Variants in BMPR2 observed in about 807,000 individuals in gnomAD.
BMPR2 encodes bone morphogenetic protein receptor type-2.
BMPR2 carries 29 observed loss-of-function variants against 100.8 expected under a neutral mutation model. That is an observed-to-expected ratio of 0.29 (90% CI 0.21 to 0.39). BMPR2 has a LOEUF of 0.39. BMPR2 is among the 10% of genes least tolerant of loss of function. The probability of loss-of-function intolerance (pLI) is 1.00; values close to 1 mark genes in which losing one functional copy is unlikely to be tolerated. For synonymous variants in BMPR2, 382 were observed against 442.3 expected (o/e 0.86, Z 1.71); for missense variants, 1,011 against 1,274.5 (o/e 0.79, Z 3.15).
chr2:202,469,317 C>T (rs1038543881), intron 3 of BMPR2, among the ~76,000 whole-genome samples: 3 of 151,730 alleles, frequency 2.0e-5, no homozygotes, highest in Non-Finnish European at 2.9e-5. Flanking sequence ...TGTGAGCCAC[C>T]GTACTCGGCC....
intron 1 of BMPR2, among the ~76,000 whole-genome samples, chr2:202,398,850 C>T (rs75597391): frequency 0.099 from 14,992 of 152,024 alleles, 988 homozygotes; most frequent in South Asian, 0.25. Context: ...AGATCATAGC[C>T]GGGTGCGGTG....
chr2:202,394,890 A>AT (rs11298914), intron 1 of BMPR2, among the ~76,000 whole-genome samples: 2 of 137,574 alleles, frequency 1.5e-5, no homozygotes, highest in African/African-American at 5.4e-5. Flanking sequence ...ACTTTTTTTT[A>AT]TTTTTTTTTT....
In BMPR2 at chr2:202,532,600, T is replaced by TA; in HGVS notation, c.1145dup (p.Tyr382Ter). ...AAISEVGTIR[Y>*]MAPEVLEGAV... Reference sequence around the variant, plus strand: ...AATTTATCAGGTTGGCACTATCAGATATATGGCACCAGAAGTGCTAGAAGG... The same window carrying TA: ...AATTTATCAGGTTGGCACTATCAGATAATATGGCACCAGAAGTGCTAGAAGG... Residue 382 changes from tyrosine (Y) to a stop codon, truncating the protein, a stop_gained and frameshift_variant, in exon 9 of 13, where the codon TAT becomes TAAT. Transcript: ENST00000374580. LOFTEE classifies it high-confidence loss of function. This position sits in a 1 kb window ranked among gnomAD's most constrained non-coding sequence, Gnocchi z 4.1. The TA allele has an allele frequency of 6.2e-7, 1 of 1,614,002 alleles. No individual in the cohort carries two copies. The highest frequency in any genetic ancestry group is 8.5e-7 in the Non-Finnish European group (1 of 1,179,952).
intron 3 of BMPR2, among the ~76,000 whole-genome samples, chr2:202,507,975 T>TA (rs1553507607): frequency 6.6e-6 from 1 of 150,718 alleles, no homozygotes; most frequent in Non-Finnish European, 1.5e-5. Context: ...GCTGGGATTA[T>TA]AGGTGTGAGC....
intron 3 of BMPR2, among the ~76,000 whole-genome samples, chr2:202,475,792 C>T (rs1412521074): frequency 3.3e-5 from 5 of 152,042 alleles, no homozygotes; most frequent in Non-Finnish European, 5.9e-5. Flanking sequence ...AAGTCCCGGC[C>T]GGGTGCAGTG....
chr2:202,407,749 CAAAACA>C (rs1267966772), intron 1 of BMPR2, among the ~76,000 whole-genome samples: 22 of 149,368 alleles, frequency 1.5e-4, no homozygotes, highest in East Asian at 9.9e-4. Flanking sequence ...AGTTCCGTCT[CAAAACA>C]AAAACAAAAA....
intron 1 of BMPR2, among the ~76,000 whole-genome samples, chr2:202,422,011 C>T (rs1217366382): frequency 2.6e-5 from 4 of 152,078 alleles, no homozygotes; most frequent in East Asian, 1.9e-4. Context: ...CAGGTTCAAG[C>T]GGTTCTCCTG....
At chr2:202,445,528 A>G (rs1691832510) in intron 1 of BMPR2, among the ~76,000 whole-genome samples, 1 of 149,222 alleles carries the variant, frequency 6.7e-6, no homozygotes, top group South Asian at 2.1e-4. Context: ...CACCTGGCCT[A>G]TTTTTAGTTT....
In BMPR2 at chr2:202,552,877, G is replaced by A. The variant is rs774669361; in HGVS notation, c.1575G>A (p.Met525Ile). ...SPTVNPMSTAMQNERNLSHNR... is the reference protein window; with the variant it reads ...SPTVNPMSTAIQNERNLSHNR... ...CAGTCAATCCAATGTCTACTGCTAT[G>A]CAGAATGAACGGTAAGACCCTAAGG... The change falls in exon 11 of 13, where the codon ATG (methionine) becomes ATA (isoleucine). Residue 525 changes from methionine (M) to isoleucine (I), a missense_variant. Coordinates refer to ENST00000374580, the MANE Select transcript of BMPR2 (RefSeq NM_001204.7). 8 of 1,614,090 alleles carry A rather than the reference G, an allele frequency of 5.0e-6. No individual in the cohort carries two copies. The highest frequency in any genetic ancestry group is 4.2e-6 in the Non-Finnish European group (5 of 1,180,056).
intron 3 of BMPR2, chr2:202,474,951 G>A (rs908766740): frequency 2.0e-5 from 3 of 152,070 alleles, no homozygotes; most frequent in Admixed American, 6.5e-5. Flanking sequence ...AATGACATAA[G>A]TAGCAAGGAA....
intron 1 of BMPR2, among the ~76,000 whole-genome samples, chr2:202,390,714 A>G (rs1043093982): frequency 6.6e-6 from 1 of 152,140 alleles, no homozygotes; most frequent in East Asian, 1.9e-4. Flanking sequence ...AATAAATGAT[A>G]TCTTGTTGGT....
intron 3 of BMPR2, among the ~76,000 whole-genome samples, chr2:202,510,060 G>A (rs1445287263): frequency 2.0e-5 from 3 of 152,104 alleles, no homozygotes; most frequent in Admixed American, 1.3e-4. Flanking sequence ...TTCTCATTTG[G>A]ATGTGGCAAA....
Position 202,562,881 on chromosome 2 carries a change from G to A in BMPR2, c.*2935G>A, listed in dbSNP as rs1330613469. 1 of 151,850 alleles carries A rather than the reference G, an allele frequency of 6.6e-6. No homozygotes were observed. Among genetic ancestry groups the A allele is most frequent in the Non-Finnish European group, 1.5e-5 (1 of 67,950 alleles). 9.4% of individuals were successfully genotyped at this position (151,850 alleles called of 1,614,324 possible). A position where few individuals can be genotyped will look rare whatever the true frequency, so the allele number is the denominator to read the frequency against. ...TACCAGTGTAGGAAGTTACAAGAAGGCACATACTGAATGCTGAAGTATACA... is the reference window on the plus strand; with the variant it reads ...TACCAGTGTAGGAAGTTACAAGAAGACACATACTGAATGCTGAAGTATACA... On this transcript the variant is annotated 3_prime_UTR_variant, in exon 13 of 13. Transcript: ENST00000374580.
chr2:202,500,071 GATGATCC>G (rs1008558756), intron 3 of BMPR2, among the ~76,000 whole-genome samples: 1 of 152,226 alleles, frequency 6.6e-6, no homozygotes, highest in Non-Finnish European at 1.5e-5. Flanking sequence ...GGCCCAACCA[GATGATCC>G]AACAACAGGA....
At chr2:202,390,000 CAAAAA>C (rs59969821) in intron 1 of BMPR2, among the ~76,000 whole-genome samples, 2 of 132,386 alleles carry the variant, frequency 1.5e-5, no homozygotes, top group African/African-American at 2.7e-5. Context: ...ATGAAGTATA[CAAAAA>C]AAAAAAAAAA....
At chr2:202,518,127 CTTT>C (rs35869694) in intron 5 of BMPR2, among the ~76,000 whole-genome samples, 9 of 77,046 alleles carry the variant, frequency 1.2e-4, no homozygotes, top group African/African-American at 1.6e-4. Context: ...CGCCTGGCCT[CTTT>C]TTTTTTTTTT....
chr2:202,552,209 C>T (rs966525067), intron 10 of BMPR2, among the ~76,000 whole-genome samples: 19 of 152,126 alleles, frequency 1.2e-4, no homozygotes, highest in Non-Finnish European at 2.6e-4. Context: ...AAACTGGTCT[C>T]AAACTCCTAA....
At chr2:202,428,060 A>G (rs925235798) in intron 1 of BMPR2, among the ~76,000 whole-genome samples, 5 of 152,162 alleles carry the variant, frequency 3.3e-5, no homozygotes, top group African/African-American at 1.2e-4. Flanking sequence ...ACAGTTCCGC[A>G]TTCAGTGTAA....
intron 3 of BMPR2, among the ~76,000 whole-genome samples, chr2:202,498,189 G>A (rs1255727395): frequency 6.6e-6 from 1 of 151,976 alleles, no homozygotes; most frequent in Non-Finnish European, 1.5e-5. Flanking sequence ...ACAGGTTTTT[G>A]AGGATGCGTT....
Sources: allele counts gnomAD v4.1 joint callset (sites outside exome capture counted in the v4.1 genomes callset), GRCh38; gene constraint gnomAD v4.1.1; non-coding constraint Gnocchi (gnomAD v3.1); transcripts MANE v1.5; gene names NCBI Gene and HGNC (gene_info 2026-07-23, HGNC 2026-07-21).